Variants in MAP7 observed in about 807,000 individuals in gnomAD.
MAP7 encodes microtubule associated protein 7.
A neutral mutation model predicts 94.8 loss-of-function variants in MAP7; 52 were observed. That is an observed-to-expected ratio of 0.55 (90% CI 0.44 to 0.69). The LOEUF (loss-of-function observed/expected upper bound fraction) is 0.69, where lower values mean the gene tolerates loss of function less well. Ranked by LOEUF, MAP7 falls within the 30% of genes least tolerant of loss-of-function variation. The pLI, the probability that MAP7 is intolerant of heterozygous loss-of-function variation, is 0.00. For synonymous variants in MAP7, 350 were observed against 357.0 expected (o/e 0.98, Z 0.22); for missense variants, 940 against 964.6 (o/e 0.97, Z 0.34).
At chr6:136,456,849 G>GGAAAAAGAAGAA (rs1554259578) in intron 1 of MAP7, among the ~76,000 whole-genome samples, 11 of 72,490 alleles carry the variant, frequency 1.5e-4, no homozygotes, top group African/African-American at 5.9e-4. Flanking sequence ...AAGAAGAAGA[G>GGAAAAAGAAGAA]GAAGAAGAAG....
chr6:136,453,171 C>T (rs905116827), intron 1 of MAP7, among the ~76,000 whole-genome samples: 7 of 152,064 alleles, frequency 4.6e-5, no homozygotes, highest in South Asian at 4.1e-4. Flanking sequence ...ACTGAGAACT[C>T]GGGAAAAGTT....
At chr6:136,419,962 G>A (rs1790734925) in intron 2 of MAP7, 1 of 673,888 alleles carries the variant, frequency 1.5e-6, no homozygotes, top group East Asian at 2.9e-5. Flanking sequence ...CTTGGTTTCT[G>A]AGTGTCTGGT....
At chr6:136,349,106 C>T (rs1393736341) in intron 16 of MAP7, among the ~76,000 whole-genome samples, 3 of 152,078 alleles carry the variant, frequency 2.0e-5, no homozygotes, top group Admixed American at 1.3e-4. Context: ...CATATGGATC[C>T]GTATCCTTTG....
rs201072686 is a variant in MAP7 at position 136,428,906 on chromosome 6, G to A, written c.68-7107C>T. ...TTTTCTCTTCTGATGTGAAGTAGAC[G>A]TGACCTTGATCTGAGAACTCTTTTT... On this transcript the variant is annotated intron_variant, in intron 1 of 17. Coordinates refer to ENST00000354570, the MANE Select transcript of MAP7 (RefSeq NM_003980.6). 1.7e-4 allele frequency among the ~76,000 whole-genome samples: 26 copies of A among 152,260 alleles called. No individual in the cohort carries two copies. In the East Asian group the frequency reaches 2.7e-3, roughly 16 times the overall value.
At chr6:136,479,531 T>G (rs778948174) in intron 1 of MAP7, among the ~76,000 whole-genome samples, 7 of 152,116 alleles carry the variant, frequency 4.6e-5, no homozygotes, top group Non-Finnish European at 1.0e-4. Context: ...GAGAAAGAAA[T>G]AAAGTGCATC....
At chr6:136,538,015 C>T (rs1034718675) in intron 1 of MAP7, among the ~76,000 whole-genome samples, 11 of 152,196 alleles carry the variant, frequency 7.2e-5, no homozygotes, top group Admixed American at 4.6e-4. Flanking sequence ...CTCCCGACCT[C>T]GGGTGATCAG....
At chr6:136,422,620 T>C (rs1178765920) in intron 1 of MAP7, among the ~76,000 whole-genome samples, 3 of 152,242 alleles carry the variant, frequency 2.0e-5, no homozygotes, top group East Asian at 3.8e-4. Flanking sequence ...CAATCCATTT[T>C]AAATTTTTCT....
chr6:136,535,386 T>C (rs1180899564), intron 1 of MAP7, among the ~76,000 whole-genome samples: 1 of 152,166 alleles, frequency 6.6e-6, no homozygotes, highest in Non-Finnish European at 1.5e-5. Flanking sequence ...CCTGAGCCAA[T>C]TAAACCTTTT....
At chr6:136,478,007 T>C (rs1302821309) in intron 1 of MAP7, among the ~76,000 whole-genome samples, 1 of 152,186 alleles carries the variant, frequency 6.6e-6, no homozygotes, top group African/African-American at 2.4e-5. Context: ...CAAGAAGAAT[T>C]TTGAAAACTA....
intron 1 of MAP7, among the ~76,000 whole-genome samples, chr6:136,432,076 G>A (rs2128809915): frequency 1.3e-5 from 2 of 152,242 alleles, no homozygotes; most frequent in East Asian, 3.9e-4. Context: ...AGAGACTCAG[G>A]CCCTGACATC....
chr6:136,443,361 A>C (rs748142662), intron 1 of MAP7, among the ~76,000 whole-genome samples: 1 of 152,106 alleles, frequency 6.6e-6, no homozygotes, highest in Non-Finnish European at 1.5e-5. Context: ...CTTTAAGGGA[A>C]TATGTCTACA....
chr6:136,377,735 T>G lies in MAP7; in HGVS notation c.751+20A>C, dbSNP rs778235616. Reference sequence around the variant, plus strand: ...GGAGGACTTGACCTCATGGGGAAAGTTCCACCTGGACAGTTTTACCTGCTT... The same window carrying G: ...GGAGGACTTGACCTCATGGGGAAAGGTCCACCTGGACAGTTTTACCTGCTT... On this transcript the variant is annotated intron_variant, in intron 7 of 17. Transcript: ENST00000354570. 15 of 1,594,774 alleles carry G rather than the reference T, an allele frequency of 9.4e-6. No individual in the cohort carries two copies. The East Asian group carries it at 2.9e-4, about 31-fold the overall frequency.
At chr6:136,526,505 C>A in intron 1 of MAP7, 1 of 985,690 alleles carries the variant, frequency 1.0e-6, no homozygotes, top group Non-Finnish European at 1.2e-6. Flanking sequence ...ACAACCCTAA[C>A]ATATCCTAAT....
chr6:136,417,382 A>T (rs1789838805), intron 2 of MAP7, among the ~76,000 whole-genome samples: 1 of 152,144 alleles, frequency 6.6e-6, no homozygotes, highest in Non-Finnish European at 1.5e-5. Flanking sequence ...ATAAACCTGG[A>T]TTGCCTTACA....
chr6:136,538,473 T>C, intron 1 of MAP7, among the ~76,000 whole-genome samples: 1 of 152,074 alleles, frequency 6.6e-6, no homozygotes, highest in Non-Finnish European at 1.5e-5. Flanking sequence ...GTGGCAATAT[T>C]TTAGCAAAGG....
At chr6:136,518,811 A>G (rs1343845619) in intron 1 of MAP7, among the ~76,000 whole-genome samples, 1 of 152,204 alleles carries the variant, frequency 6.6e-6, no homozygotes, top group African/African-American at 2.4e-5. Flanking sequence ...TTAATAAATA[A>G]TATCTAAGAG....
intron 1 of MAP7, among the ~76,000 whole-genome samples, chr6:136,540,927 T>C (rs1187886644): frequency 6.6e-6 from 1 of 152,226 alleles, no homozygotes; most frequent in Non-Finnish European, 1.5e-5. Context: ...GAATCAATGA[T>C]ACTCCAGCAC....
At position 136,550,100 on chromosome 6, in the gene MAP7, G is replaced by C. The variant is rs895474999; in HGVS notation, c.67+242C>G. On this transcript the variant is annotated intron_variant, in intron 1 of 17. Transcript: ENST00000354570. The surrounding 1 kb of genome is among the most constrained non-coding windows in gnomAD (Gnocchi z 5.1). The stretch of plus-strand genomic sequence containing the variant: ...CCTGTTGCGGGAAAGTCGCGGTGGA[G>C]CGCCCGAGGGCGGCCGCAACCCCGG... 6.6e-6 allele frequency among the ~76,000 whole-genome samples: 1 copy of C among 151,196 alleles called. No individual in the cohort carries two copies. Among genetic ancestry groups the C allele is most frequent in the East Asian group, 2.0e-4 (1 of 5,102 alleles).
intron 3 of MAP7, among the ~76,000 whole-genome samples, chr6:136,395,437 T>C (rs1176163506): frequency 6.8e-6 from 1 of 147,912 alleles, no homozygotes; most frequent in African/African-American, 2.5e-5. Flanking sequence ...TTTGCACTAT[T>C]GAGTTCCTTA....
Sources: allele counts gnomAD v4.1 joint callset (sites outside exome capture counted in the v4.1 genomes callset), GRCh38; gene constraint gnomAD v4.1.1; non-coding constraint Gnocchi (gnomAD v3.1); transcripts MANE v1.5; gene names NCBI Gene and HGNC (gene_info 2026-07-23, HGNC 2026-07-21).